The following WDFY3 variants were observed in gnomAD, a reference collection of about 807,000 sequenced individuals.
WDFY3 encodes WD repeat and FYVE domain-containing protein 3.
A neutral mutation model predicts 409.6 loss-of-function variants in WDFY3; 66 were observed. The observed-to-expected ratio is 0.16, with a 90% CI of 0.13 to 0.20. The LOEUF is 0.20. Ranked by LOEUF, WDFY3 falls within the 10% of genes least tolerant of loss-of-function variation. The probability of loss-of-function intolerance (pLI) is 1.00; values close to 1 mark genes in which losing one functional copy is unlikely to be tolerated. For synonymous variants in WDFY3, 1,521 were observed against 1,537.1 expected (o/e 0.99, Z 0.25); for missense variants, 3,031 against 4,298.1 (o/e 0.71, Z 8.24).
chr4:84,764,531 T>A (rs1223617566), intron 32 of WDFY3, among the ~76,000 whole-genome samples: 8 of 152,090 alleles, frequency 5.3e-5, no homozygotes, highest in Non-Finnish European at 8.8e-5. Context: ...CTTCTTCACA[T>A]CTGAAATAAC....
At chr4:84,839,608 A>G (rs527490230) in intron 6 of WDFY3, among the ~76,000 whole-genome samples, 78 of 152,118 alleles carry the variant, frequency 5.1e-4, no homozygotes, top group African/African-American at 1.9e-3. Context: ...CTGTAATCCC[A>G]GCACTTTGGG....
chr4:84,959,941 C>A (rs549342333), intron 1 of WDFY3, among the ~76,000 whole-genome samples: 2 of 152,138 alleles, frequency 1.3e-5, no homozygotes, highest in Non-Finnish European at 2.9e-5. Flanking sequence ...TCTATATTAA[C>A]GCTTCTTACA....
rs557985501 is a variant in WDFY3, at chr4:84,727,312, C to A, written c.7222-401G>T. On this transcript the variant is annotated intron_variant, in intron 44 of 67. Coordinates refer to ENST00000295888, the MANE Select transcript of WDFY3 (RefSeq NM_014991.6). ...AATGCTAGCTAGTATCTTCCATCTT[C>A]CTTTCCCTGGGGTTATCCCTAAATC... Among the ~76,000 whole-genome samples the A allele has an allele frequency of 1.1e-3, 168 of 152,202 alleles. 2 individuals carry two copies. Among genetic ancestry groups the A allele is most frequent in the African/African-American group, 3.8e-3 (157 of 41,544 alleles).
At chr4:84,805,398 T>C (rs1751349895) in intron 15 of WDFY3, among the ~76,000 whole-genome samples, 2 of 152,160 alleles carry the variant, frequency 1.3e-5, no homozygotes, top group South Asian at 2.1e-4. Flanking sequence ...CAGAAAAATA[T>C]TGCAAACATT....
At chr4:84,768,016 G>A (rs906070560) in intron 30 of WDFY3, among the ~76,000 whole-genome samples, 2 of 152,168 alleles carry the variant, frequency 1.3e-5, no homozygotes, top group Non-Finnish European at 2.9e-5. Context: ...CCAGGAGGCC[G>A]AGGCTGCAGT....
intron 33 of WDFY3, among the ~76,000 whole-genome samples, chr4:84,755,883 C>T (rs1741351907): frequency 6.6e-6 from 1 of 152,096 alleles, no homozygotes; most frequent in Non-Finnish European, 1.5e-5. Flanking sequence ...ATGACTATGG[C>T]ACCATGGATA....
rs1733236735 is a variant in WDFY3 at position 84,713,167 on chromosome 4, C to T, written c.8034G>A (p.Val2678=). 6.2e-7 allele frequency: 1 copy of T among 1,614,148 alleles called. No individual in the cohort carries two copies. Among genetic ancestry groups the T allele is most frequent in the African/African-American group, 1.3e-5 (1 of 75,048 alleles). The part of the protein sequence containing the change: ...SVSGQRPNTS[V]EQGSGLLSTL... The stretch of plus-strand genomic sequence containing the variant: ...AGGAACAAACCACCTACCCCTGCTC[C>T]ACACTCGTGTTTGGTCGTTGCCCAG... The change falls in exon 51 of 68, where the codon GTG becomes GTA. Residue 2678 remains valine, a synonymous_variant. Transcript: ENST00000295888.
chr4:84,837,140 G>T, intron 6 of WDFY3, 50 bp from the exon 7 acceptor site: 1 of 1,356,068 alleles, frequency 7.4e-7, no homozygotes, highest in Non-Finnish European at 9.6e-7. Context: ...AACTATAATT[G>T]GTACAGCCAA....
At position 84,740,285 on chromosome 4, in the gene WDFY3, G is replaced by C. The variant is rs1442264525; in HGVS notation, c.6366C>G (p.Val2122=). Reference sequence around the variant, plus strand: ...GGATCAAGTTTCTGTTTACAGTGAGGACCCTGAGTGAATCAAGCAGAGCTA... The same window carrying C: ...GGATCAAGTTTCTGTTTACAGTGAGCACCCTGAGTGAATCAAGCAGAGCTA... ...QQVALLDSLR[V]LTVNRNLILG... Residue 2122 remains valine (V), a synonymous_variant, in exon 39 of 68, where the codon GTC becomes GTG. Transcript: ENST00000295888. 1.2e-6 allele frequency: 2 copies of C among 1,613,866 alleles called. No homozygotes were observed. The highest frequency in any genetic ancestry group is 1.7e-6 in the Non-Finnish European group (2 of 1,179,996).
intron 4 of WDFY3, 53 bp from the exon 5 acceptor site, chr4:84,850,078 AT>A: frequency 6.6e-7 from 1 of 1,523,028 alleles, no homozygotes; most frequent in South Asian, 1.3e-5. Flanking sequence ...TTTTCTTTTT[AT>A]TTTGTGAATT....
rs552558957 is a variant in WDFY3, at chr4:84,933,049, T to C, written c.-225-686A>G. 2.0e-5 allele frequency among the ~76,000 whole-genome samples: 3 copies of C among 152,184 alleles called. No individual in the cohort carries two copies. In the South Asian group the frequency reaches 6.2e-4, roughly 31 times the overall value. ...AGTGTAGTCAAACACATTTTGGTCCTAAAGTTCTTTAATTCAAAAAGGAGG... is the reference window on the plus strand; with the variant it reads ...AGTGTAGTCAAACACATTTTGGTCCCAAAGTTCTTTAATTCAAAAAGGAGG... On this transcript the variant is annotated intron_variant, in intron 1 of 67. Coordinates refer to ENST00000295888, the MANE Select transcript of WDFY3 (RefSeq NM_014991.6).
At chr4:84,742,631 C>T (rs1738645050) in intron 37 of WDFY3, among the ~76,000 whole-genome samples, 1 of 152,204 alleles carries the variant, frequency 6.6e-6, no homozygotes, top group African/African-American at 2.4e-5. Context: ...TGAGCTCCTT[C>T]TGTCATATCA....
At chr4:84,735,705 G>T (rs888897011) in intron 42 of WDFY3, among the ~76,000 whole-genome samples, 3 of 152,158 alleles carry the variant, frequency 2.0e-5, no homozygotes, top group Non-Finnish European at 4.4e-5. Flanking sequence ...ATTTCTCTCA[G>T]ATCCTTTTCA....
intron 4 of WDFY3, among the ~76,000 whole-genome samples, chr4:84,856,666 A>G (rs564002129): frequency 6.6e-6 from 1 of 152,214 alleles, no homozygotes; most frequent in South Asian, 2.1e-4. Flanking sequence ...TCATTTCCCA[A>G]CCCATGTCTC....
In WDFY3 at chr4:84,688,066, G is replaced by C; in HGVS notation, c.9543+20C>G. The C allele has an allele frequency of 6.2e-7, 1 of 1,607,896 alleles. No homozygotes were observed. Among genetic ancestry groups the C allele is most frequent in the South Asian group, 1.1e-5 (1 of 90,058 alleles). ...AGACTACTTGTTTACCTAAACATAA[G>C]TGGGCAATTTACTACTTACTGTTAA... On this transcript the variant is annotated intron_variant, in intron 62 of 67. Transcript: ENST00000295888.
intron 2 of WDFY3, among the ~76,000 whole-genome samples, chr4:84,904,529 T>A (rs1375158428): frequency 6.6e-6 from 1 of 152,196 alleles, no homozygotes; most frequent in Non-Finnish European, 1.5e-5. Flanking sequence ...GTACCATTAC[T>A]GCCAAAAATT....
intron 30 of WDFY3, among the ~76,000 whole-genome samples, chr4:84,769,007 A>T (rs1363641602): frequency 6.6e-6 from 1 of 152,238 alleles, no homozygotes; most frequent in East Asian, 1.9e-4. Flanking sequence ...GAGGGGCTCA[A>T]GACTTCAGTG....
intron 32 of WDFY3, among the ~76,000 whole-genome samples, chr4:84,764,697 TAA>T (rs1340676664): frequency 2.8e-5 from 4 of 141,446 alleles, no homozygotes; most frequent in African/African-American, 2.6e-5. Flanking sequence ...CCGTCTCTAC[TAA>T]AAAAAAAAAA....
intron 5 of WDFY3, among the ~76,000 whole-genome samples, chr4:84,846,281 A>G (rs572807243): frequency 7.9e-5 from 12 of 152,304 alleles, no homozygotes; most frequent in Non-Finnish European, 1.5e-4. Context: ...GATGTCATCA[A>G]TGAGGAAAAG....
Sources: allele counts gnomAD v4.1 joint callset (sites outside exome capture counted in the v4.1 genomes callset), GRCh38; gene constraint gnomAD v4.1.1; transcripts MANE v1.5; gene names NCBI Gene and HGNC (gene_info 2026-07-23, HGNC 2026-07-21).